The following ATP6V1B1 variants were observed in gnomAD, a reference collection of about 807,000 sequenced individuals.
ATP6V1B1 encodes V-type proton ATPase subunit B, kidney isoform.
ATP6V1B1 carries 41 observed loss-of-function variants against 62.1 expected under a neutral mutation model. The ratio of observed to expected loss-of-function variants is 0.66; its 90% CI spans 0.51 to 0.86. The LOEUF is 0.86. Among genes scored for constraint, ATP6V1B1 ranks in the 40% least tolerant of loss-of-function variants. The pLI, the probability that ATP6V1B1 is intolerant of heterozygous loss-of-function variation, is 0.00. For missense variants in ATP6V1B1, 651 were observed against 697.5 expected (o/e 0.93, Z 0.75); for synonymous variants, 253 against 273.4 (o/e 0.93, Z 0.74).
rs577959867 is a variant in ATP6V1B1, at chr2:70,963,566, T to C, written c.1061-6T>C. 2.2e-5 allele frequency: 35 copies of C among 1,613,992 alleles called. No homozygotes were observed. Among genetic ancestry groups the C allele is most frequent in the Middle Eastern group, 3.3e-4 (2 of 6,062 alleles). On this transcript the variant is annotated splice_region_variant and splice_polypyrimidine_tract_variant and intron_variant, in intron 10 of 13. Coordinates refer to ENST00000234396, the MANE Select transcript of ATP6V1B1 (RefSeq NM_001692.4). This position sits in a 1 kb window ranked among gnomAD's most constrained non-coding sequence, Gnocchi z 4.3. ...CCCACACTGAGGCCAGTGAGTTTTC[T>C]TGTAGATATCACCCACCCTATCCCA...
Position 70,960,933 on chromosome 2 carries a change from A to C in ATP6V1B1, c.598A>C (p.Ile200Leu), listed in dbSNP as rs1680569087. ...GLPHNEIAAQ[I>L]CRQAGLVKKS... is the part of the protein sequence containing the mutation. ...CACTCTGCCCTAGATTGCCGCTCAG[A>C]TCTGCCGCCAGGCGGGGCTGGTGAA... The change falls in exon 7 of 14, where the codon ATC becomes CTC. Residue 200 changes from isoleucine (I) to leucine (L), a missense_variant. Physicochemically the swap from Ile to Leu is conservative, Grantham distance 5. Coordinates refer to ENST00000234396, the MANE Select transcript of ATP6V1B1 (RefSeq NM_001692.4). 6.2e-7 allele frequency: 1 copy of C among 1,608,392 alleles called. No homozygotes were observed. Among genetic ancestry groups the C allele is most frequent in the Non-Finnish European group, 8.5e-7 (1 of 1,177,298 alleles).
intron 8 of ATP6V1B1, 94 bp from the exon 9 acceptor site, chr2:70,962,683 C>A: frequency 6.3e-7 from 1 of 1,579,584 alleles, no homozygotes; most frequent in Admixed American, 1.7e-5. Context: ...ATGCACAACA[C>A]CAGCTTCCCA....
At chr2:70,940,630 T>A in intron 1 of ATP6V1B1, 5 of 985,444 alleles carry the variant, frequency 5.1e-6, no homozygotes, top group Non-Finnish European at 6.0e-6. Context: ...CCCTTTCTCG[T>A]TGAGGAGTCT....
At position 70,943,662 on chromosome 2, in the gene ATP6V1B1, C is replaced by G. The variant is rs782151715; in HGVS notation, c.123C>G (p.Tyr41Ter). Residue 41 changes from tyrosine (Y) to a stop codon, truncating the protein, a stop_gained, in exon 2 of 14, where the codon TAC becomes TAG. Coordinates refer to ENST00000234396, the MANE Select transcript of ATP6V1B1 (RefSeq NM_001692.4). LOFTEE classifies it high-confidence loss of function. ...TCACCCCCGCCCCTCCCCCAGCCTA[C>G]AGGACTGTGTGCAGCGTGAACGGGC... ...RNYITHPRVTYRTVCSVNGPL... is the reference protein window; with the variant it reads ...RNYITHPRVT 6.2e-7 allele frequency: 1 copy of G among 1,613,902 alleles called. No individual in the cohort carries two copies. The highest frequency in any genetic ancestry group is 1.1e-5 in the South Asian group (1 of 91,084).
In ATP6V1B1 at chr2:70,960,208, G is replaced by C. The variant is rs1019258459; in HGVS notation, c.585+130G>C. 5 of 1,381,322 alleles carry C rather than the reference G, an allele frequency of 3.6e-6. No homozygotes were observed. The African/African-American group carries it at 7.1e-5, about 20-fold the overall frequency. The allele number at this position is 1,381,322 out of a possible 1,614,324, so 85.6% of individuals were successfully genotyped here. On this transcript the variant is annotated intron_variant, in intron 6 of 13. Transcript: ENST00000234396. ...GCAGGGCTGGGGTCGCCAGCATCGAGACTGGCAGCTGTCCCTGGGCAGCTC... is the reference window on the plus strand; with the variant it reads ...GCAGGGCTGGGGTCGCCAGCATCGACACTGGCAGCTGTCCCTGGGCAGCTC...
rs1680530469 is a variant in ATP6V1B1 at position 70,959,505 on chromosome 2, C to T, written c.445+410C>T. Among the ~76,000 whole-genome samples the T allele has an allele frequency of 6.6e-6, 1 of 152,228 alleles. No individual in the cohort carries two copies. Among genetic ancestry groups the T allele is most frequent in the Non-Finnish European group, 1.5e-5 (1 of 68,048 alleles). On this transcript the variant is annotated intron_variant, in intron 5 of 13. Coordinates refer to ENST00000234396, the MANE Select transcript of ATP6V1B1 (RefSeq NM_001692.4). The surrounding 1 kb of genome is among the most constrained non-coding windows in gnomAD (Gnocchi z 4.2). ...GCTTGCCCTACGCCACACAGAAAGT[C>T]AGTGGCAGAGCACAGAAGACTCATC...
intron 2 of ATP6V1B1, among the ~76,000 whole-genome samples, chr2:70,948,028 G>C (rs1277591391): frequency 6.6e-6 from 1 of 152,114 alleles, no homozygotes; most frequent in African/African-American, 2.4e-5. Context: ...AGAGCCTGGG[G>C]CTCTTCCTAA....
At position 70,941,313 on chromosome 2, in the gene ATP6V1B1, T is replaced by C. The variant is rs893984069; in HGVS notation, c.119-2345T>C. The C allele has an allele frequency of 2.1e-5, 21 of 985,486 alleles. No homozygotes were observed. In the South Asian group the frequency reaches 8.9e-4, roughly 42 times the overall value. The allele number at this position is 985,486 out of a possible 1,614,324, so 61.0% of individuals were successfully genotyped here. Reference sequence around the variant, plus strand: ...AGATGATGTCTTGCCCTCCTGGAGGTGACAGGTCTTACTGCACCTGAAGCG... The same window carrying C: ...AGATGATGTCTTGCCCTCCTGGAGGCGACAGGTCTTACTGCACCTGAAGCG... On this transcript the variant is annotated intron_variant, in intron 1 of 13. Coordinates refer to ENST00000234396, the MANE Select transcript of ATP6V1B1 (RefSeq NM_001692.4).
Position 70,964,944 on chromosome 2 carries a change from C to A in ATP6V1B1, c.1379-14C>A. ...CACACACATTCCTAACACTCCCTCC[C>A]GCTCTGTCCCTAGGCCCCTACGAGA... On this transcript the variant is annotated splice_polypyrimidine_tract_variant and intron_variant, in intron 13 of 13. Coordinates refer to ENST00000234396, the MANE Select transcript of ATP6V1B1 (RefSeq NM_001692.4). The A allele has an allele frequency of 6.2e-7, 1 of 1,614,026 alleles. No homozygotes were observed. Among genetic ancestry groups the A allele is most frequent in the Non-Finnish European group, 8.5e-7 (1 of 1,180,038 alleles).
At chr2:70,946,721 T>C (rs1680183560) in intron 2 of ATP6V1B1, among the ~76,000 whole-genome samples, 1 of 152,218 alleles carries the variant, frequency 6.6e-6, no homozygotes, top group Admixed American at 6.5e-5. Context: ...CAACAGTTGG[T>C]GCCACCTCCT....
At position 70,962,765 on chromosome 2, in the gene ATP6V1B1, C is replaced by G; in HGVS notation, c.786-12C>G. Reference sequence around the variant, plus strand: ...GCCTCCAGGCTCTCTAAACACCTGGCTACACCTCCAGGATCGAGCGGATCA... The same window carrying G: ...GCCTCCAGGCTCTCTAAACACCTGGGTACACCTCCAGGATCGAGCGGATCA... On this transcript the variant is annotated splice_polypyrimidine_tract_variant and intron_variant, in intron 8 of 13. Coordinates refer to ENST00000234396, the MANE Select transcript of ATP6V1B1 (RefSeq NM_001692.4). 1 of 1,613,412 alleles carries G rather than the reference C, an allele frequency of 6.2e-7. No individual in the cohort carries two copies. Among genetic ancestry groups the G allele is most frequent in the Non-Finnish European group, 8.5e-7 (1 of 1,179,970 alleles).
chr2:70,943,819 A>C (rs782388262), intron 2 of ATP6V1B1, 106 bp downstream of exon 2: 24 of 1,457,756 alleles, frequency 1.6e-5, no homozygotes, highest in Non-Finnish European at 2.3e-5. Context: ...CATGGCCCCC[A>C]GGGCCTGCTC....
At position 70,936,545 on chromosome 2, in the gene ATP6V1B1, G is replaced by A. The variant is rs540118406; in HGVS notation, c.118+473G>A. Among the ~76,000 whole-genome samples, 183 of 152,162 alleles carry A rather than the reference G, an allele frequency of 1.2e-3. 1 individual carries two copies. Among genetic ancestry groups the A allele is most frequent in the African/African-American group, 3.6e-3 (151 of 41,496 alleles). On this transcript the variant is annotated intron_variant, in intron 1 of 13. Transcript: ENST00000234396. ...CTGAGGAAATAGGTGCCCCGTGTGC[G>A]TCACATCAATGGGTGCATGTCGTAT... is the stretch of plus-strand genomic sequence containing the variant.
intron 8 of ATP6V1B1, 83 bp from the exon 9 acceptor site, chr2:70,962,694 G>A (rs1321458729): frequency 1.7e-5 from 27 of 1,594,048 alleles, no homozygotes; most frequent in Admixed American, 8.4e-5. Flanking sequence ...CAGCTTCCCA[G>A]TTCACCTTGC....
At chr2:70,960,282 G>A (rs2104827885) in intron 6 of ATP6V1B1, among the ~76,000 whole-genome samples, 1 of 152,308 alleles carries the variant, frequency 6.6e-6, no homozygotes. Flanking sequence ...TCTTCAGGCT[G>A]CCCCAAATGA....
Position 70,964,945 on chromosome 2 carries a change from G to A in ATP6V1B1, c.1379-13G>A, listed in dbSNP as rs1553420793. On this transcript the variant is annotated splice_polypyrimidine_tract_variant and intron_variant, in intron 13 of 13. Transcript: ENST00000234396. ...ACACACATTCCTAACACTCCCTCCC[G>A]CTCTGTCCCTAGGCCCCTACGAGAA... The A allele has an allele frequency of 1.9e-6, 3 of 1,613,870 alleles. No individual in the cohort carries two copies. Among genetic ancestry groups the A allele is most frequent in the East Asian group, 2.2e-5 (1 of 44,878 alleles).
Position 70,938,848 on chromosome 2 carries a change from T to A in ATP6V1B1, c.118+2776T>A, listed in dbSNP as rs1457794163. ...CAGGAAGGACAAGCTGGCAGCCTGGTTGGAGGGATGAAGCCAGGTCAGATC... is the reference window on the plus strand; with the variant it reads ...CAGGAAGGACAAGCTGGCAGCCTGGATGGAGGGATGAAGCCAGGTCAGATC... On this transcript the variant is annotated intron_variant, in intron 1 of 13. Transcript: ENST00000234396. The A allele has an allele frequency of 8.3e-6, 8 of 963,740 alleles. No individual in the cohort carries two copies. The African/African-American group carries it at 1.4e-4, about 17-fold the overall frequency. 59.7% of individuals were successfully genotyped at this position (963,740 alleles called of 1,614,324 possible).
In ATP6V1B1 at chr2:70,963,809, G is replaced by C. The variant is rs74455124; in HGVS notation, c.1143+155G>C. 5.0e-3 allele frequency among the ~76,000 whole-genome samples: 767 copies of C among 152,332 alleles called. 9 individuals carry two copies. The highest frequency in any genetic ancestry group is 0.018 in the African/African-American group (731 of 41,572). On this transcript the variant is annotated intron_variant, in intron 11 of 13. Coordinates refer to ENST00000234396, the MANE Select transcript of ATP6V1B1 (RefSeq NM_001692.4). This position sits in a 1 kb window ranked among gnomAD's most constrained non-coding sequence, Gnocchi z 4.3. The stretch of plus-strand genomic sequence containing the variant: ...GGGAAGACTGCATGGTTCACAGACA[G>C]AAGACAGGCCTGAGCAGAATCTGGT...
chr2:70,960,187 G>A (rs890702919), intron 6 of ATP6V1B1, 109 bp downstream of exon 6: 1 of 1,513,258 alleles, frequency 6.6e-7, no homozygotes, highest in African/African-American at 1.4e-5. Flanking sequence ...GGGCTGGCAG[G>A]GCTGGGGTCG....
Sources: allele counts gnomAD v4.1 joint callset (sites outside exome capture counted in the v4.1 genomes callset), GRCh38; gene constraint gnomAD v4.1.1; non-coding constraint Gnocchi (gnomAD v3.1); transcripts MANE v1.5; gene names NCBI Gene and HGNC (gene_info 2026-07-23, HGNC 2026-07-21).